TEK: variants seen among roughly 807,000 people sequenced by gnomAD.
The protein encoded by TEK is TEK receptor tyrosine kinase.
A neutral mutation model predicts 131.8 loss-of-function variants in TEK; 43 were observed. That is an observed-to-expected ratio of 0.33 (90% CI 0.26 to 0.42). The LOEUF (loss-of-function observed/expected upper bound fraction) is 0.42. Among genes scored for constraint, TEK ranks in the 10% least tolerant of loss-of-function variants. The pLI is 1.00. For synonymous variants in TEK, 580 were observed against 491.6 expected (o/e 1.18, Z -2.38); for missense variants, 1,162 against 1,384.4 (o/e 0.84, Z 2.55).
At chr9:27,126,295 T>C (rs1821986354) in intron 1 of TEK, among the ~76,000 whole-genome samples, 1 of 152,156 alleles carries the variant, frequency 6.6e-6, no homozygotes, top group African/African-American at 2.4e-5. Flanking sequence ...AAGAAGTAGA[T>C]GGCACTTCAG....
Position 27,226,673 on chromosome 9 carries a change from T to C in TEK, c.3201-1533T>C, listed in dbSNP as rs1465886797. ...AACCACCATGGCACTTGTATACATA[T>C]GTAACAAACCTGCATGTTCTCCACA... On this transcript the variant is annotated intron_variant, in intron 21 of 22. Coordinates refer to ENST00000380036, the MANE Select transcript of TEK (RefSeq NM_000459.5). Among the ~76,000 whole-genome samples the C allele has an allele frequency of 2.0e-5, 3 of 152,262 alleles. No homozygotes were observed. The East Asian group carries it at 5.8e-4, about 29-fold the overall frequency.
At chr9:27,209,361 A>G in intron 16 of TEK, 130 bp downstream of exon 16, 2 of 735,732 alleles carry the variant, frequency 2.7e-6, no homozygotes, top group Non-Finnish European at 4.8e-6. Flanking sequence ...TTCTATCTGA[A>G]TGTCTGTCTA....
chr9:27,145,819 A>G (rs539071288), intron 1 of TEK, among the ~76,000 whole-genome samples: 25 of 152,386 alleles, frequency 1.6e-4, no homozygotes, highest in African/African-American at 6.0e-4. Flanking sequence ...GAAGACAGAC[A>G]TGTCAATATT....
At chr9:27,120,738 C>A (rs1418317780) in intron 1 of TEK, among the ~76,000 whole-genome samples, 1 of 152,190 alleles carries the variant, frequency 6.6e-6, no homozygotes, top group East Asian at 1.9e-4. Context: ...AAGATATACT[C>A]GACTGGGCTC....
chr9:27,180,326 C>G lies in TEK; in HGVS notation c.988C>G (p.Leu330Val). The G allele has an allele frequency of 1.9e-6, 3 of 1,613,744 alleles. No individual in the cohort carries two copies. The highest frequency in any genetic ancestry group is 2.5e-6 in the Non-Finnish European group (3 of 1,179,836). The change falls in exon 7 of 23, where the codon CTC becomes GTC. Residue 330 changes from leucine to valine, a missense_variant. Physicochemically the swap from Leu to Val is conservative, Grantham distance 32 (BLOSUM62 1). Around this residue, in one of 6 missense-constraint regions of TEK, gnomAD observed 436 missense variants for 539.1 expected, o/e 0.81. Coordinates refer to ENST00000380036, the MANE Select transcript of TEK (RefSeq NM_000459.5). ...GEMCDRFQGC[L>V]CSPGWQGLQC... ...GATGTGTGATCGCTTCCAAGGATGTCTCTGCTCTCCAGGATGGCAGGGGCT... is the reference window on the plus strand; with the variant it reads ...GATGTGTGATCGCTTCCAAGGATGTGTCTGCTCTCCAGGATGGCAGGGGCT...
chr9:27,219,993 G>A (rs891937896), intron 20 of TEK, 56 bp from the exon 21 acceptor site: 4 of 1,567,466 alleles, frequency 2.6e-6, no homozygotes, highest in East Asian at 2.2e-5. Context: ...ACCCTGGACA[G>A]GAAGCATTGC....
chr9:27,185,525 T>C lies in TEK; in HGVS notation c.1223T>C (p.Ile408Thr). The change falls in exon 9 of 23, where the codon ATA becomes ACA. Residue 408 changes from isoleucine (I) to threonine (T), a missense_variant. This residue lies in a region of TEK where 436 missense variants were observed against 539.1 expected (regional missense o/e 0.81). Coordinates refer to ENST00000380036, the MANE Select transcript of TEK (RefSeq NM_000459.5). The stretch of plus-strand genomic sequence containing the variant: ...CATACGGATCATTTCTCAGTAGCCA[T>C]ATTCACCATCCACCGGATCCTCCCC... ...FNHTDHFSVA[I>T]FTIHRILPPD... 6.2e-7 allele frequency: 1 copy of C among 1,613,578 alleles called. No homozygotes were observed. Among genetic ancestry groups the C allele is most frequent in the Non-Finnish European group, 8.5e-7 (1 of 1,179,722 alleles).
chr9:27,221,366 T>TAA (rs1826071874), intron 21 of TEK, among the ~76,000 whole-genome samples: 1 of 152,210 alleles, frequency 6.6e-6, no homozygotes, highest in Non-Finnish European at 1.5e-5. Context: ...TAAACGTTCC[T>TAA]GCCTGCCAGC....
Position 27,214,352 on chromosome 9 carries a change from A to G in TEK, c.2991+755A>G, listed in dbSNP as rs78893173. On this transcript the variant is annotated intron_variant, in intron 18 of 22. Coordinates refer to ENST00000380036, the MANE Select transcript of TEK (RefSeq NM_000459.5). The stretch of plus-strand genomic sequence containing the variant: ...GGATGACAAGCCCTGCAGCCTTTCC[A>G]TGTGTCTGGCAGATCTACTCTGGTG... Among the ~76,000 whole-genome samples the G allele has an allele frequency of 5.9e-3, 895 of 152,124 alleles. 16 individuals are homozygous for G. The highest frequency in any genetic ancestry group is 0.02 in the African/African-American group (841 of 41,486).
At chr9:27,209,445 T>C (rs998266667) in intron 16 of TEK, among the ~76,000 whole-genome samples, 1 of 152,196 alleles carries the variant, frequency 6.6e-6, no homozygotes, top group African/African-American at 2.4e-5. Flanking sequence ...ATTTAGCCTC[T>C]GATGTGGTTC....
intron 11 of TEK, among the ~76,000 whole-genome samples, chr9:27,197,062 A>G (rs1825053494): frequency 6.9e-6 from 1 of 145,058 alleles, no homozygotes; most frequent in South Asian, 2.3e-4. Context: ...GAAGGGGAAC[A>G]TCACACACTG....
chr9:27,140,197 A>G (rs1822670583), intron 1 of TEK, among the ~76,000 whole-genome samples: 1 of 151,958 alleles, frequency 6.6e-6, no homozygotes, highest in Admixed American at 6.6e-5. Flanking sequence ...TATAATATAA[A>G]CAATGCAGGT....
At chr9:27,185,719 A>G (rs893940758) in intron 9 of TEK, 90 bp downstream of exon 9, 103 of 1,533,352 alleles carry the variant, frequency 6.7e-5, no homozygotes, top group Non-Finnish European at 9.0e-5. Flanking sequence ...TGCGACCACT[A>G]AAATACCTTT....
intron 1 of TEK, among the ~76,000 whole-genome samples, chr9:27,126,031 G>C (rs1821975573): frequency 6.6e-6 from 1 of 152,186 alleles, no homozygotes; most frequent in Non-Finnish European, 1.5e-5. Flanking sequence ...GTAGATTGTT[G>C]TTATTCATGG....
intron 1 of TEK, among the ~76,000 whole-genome samples, chr9:27,134,073 G>A (rs533553836): frequency 3.1e-4 from 47 of 152,272 alleles, no homozygotes; most frequent in African/African-American, 8.4e-4. Flanking sequence ...AATCATGCTC[G>A]TATGTAGAGG....
At chr9:27,225,231 TAA>T (rs1458146273) in intron 21 of TEK, among the ~76,000 whole-genome samples, 1 of 152,056 alleles carries the variant, frequency 6.6e-6, no homozygotes, top group Admixed American at 6.6e-5. Context: ...CAGAATTAGA[TAA>T]AACTGCTTTA....
intron 2 of TEK, among the ~76,000 whole-genome samples, chr9:27,159,663 C>T (rs546442686): frequency 2.0e-5 from 3 of 152,272 alleles, no homozygotes; most frequent in South Asian, 2.1e-4. Context: ...AAAAGTGGGC[C>T]TTAAGCTAAA....
At chr9:27,113,658 A>G (rs183499652) in intron 1 of TEK, among the ~76,000 whole-genome samples, 127 of 152,268 alleles carry the variant, frequency 8.3e-4, no homozygotes, top group Non-Finnish European at 1.5e-3. Flanking sequence ...TATGAGAACC[A>G]CTGTGCTAGT....
At chr9:27,171,132 A>G (rs904283297) in intron 4 of TEK, among the ~76,000 whole-genome samples, 4 of 152,196 alleles carry the variant, frequency 2.6e-5, no homozygotes, top group African/African-American at 7.2e-5. Flanking sequence ...TTTCTCCATT[A>G]TAACTATTGA....
Sources: gnomAD v4.1 joint callset for allele counts (sites outside exome capture counted in the v4.1 genomes callset) on GRCh38, gnomAD v4.1.1 for gene constraint, gnomAD v4.1.1 regional missense constraint, MANE v1.5 for transcripts, NCBI Gene and HGNC (gene_info 2026-07-23, HGNC 2026-07-21) for gene names.